RASSF4: variants seen among roughly 807,000 people sequenced by gnomAD.
RASSF4 encodes ras association domain-containing protein 4.
Under a neutral mutation model 41.1 loss-of-function variants are expected in RASSF4, and 38 were observed. The observed-to-expected ratio is 0.92, with a 90% CI of 0.71 to 1.21. The LOEUF (loss-of-function observed/expected upper bound fraction) is 1.21. Ranked by LOEUF, RASSF4 falls within the 50% of genes most tolerant of loss-of-function variation. The probability of loss-of-function intolerance (pLI) is 0.00; values close to 1 mark genes in which losing one functional copy is unlikely to be tolerated. For synonymous variants in RASSF4, 179 were observed against 163.4 expected (o/e 1.10, Z -0.73); for missense variants, 414 against 419.4 (o/e 0.99, Z 0.11).
chr10:44,992,464 A>G lies in RASSF4; in HGVS notation c.905+462A>G, dbSNP rs182095115. 3.1e-3 allele frequency among the ~76,000 whole-genome samples: 471 copies of G among 152,328 alleles called. 1 individual carries two copies. Among genetic ancestry groups the G allele is most frequent in the African/African-American group, 0.011 (450 of 41,572 alleles). ...ATGCTGGAACTCCCAGCCTCAGCCGATGTTTTCAGGTGCAGAGGGCTAGTT... is the reference window on the plus strand; with the variant it reads ...ATGCTGGAACTCCCAGCCTCAGCCGGTGTTTTCAGGTGCAGAGGGCTAGTT... On this transcript the variant is annotated intron_variant, in intron 10 of 10. Coordinates refer to ENST00000340258, the MANE Select transcript of RASSF4 (RefSeq NM_032023.4).
At chr10:44,992,245 G>C (rs1842142154) in intron 10 of RASSF4, among the ~76,000 whole-genome samples, 1 of 152,214 alleles carries the variant, frequency 6.6e-6, no homozygotes, top group Admixed American at 6.5e-5. Context: ...TCCAGTCTTG[G>C]CATCCTCACC....
Position 44,993,410 on chromosome 10 carries a change from C to A in RASSF4, c.*81C>A. 8.8e-7 allele frequency: 1 copy of A among 1,140,222 alleles called. No homozygotes were observed. The highest frequency in any genetic ancestry group is 1.3e-6 in the Non-Finnish European group (1 of 787,854). The allele number at this position is 1,140,222 out of a possible 1,614,324, so 70.6% of individuals were successfully genotyped here. A position where few individuals can be genotyped will look rare whatever the true frequency, so the allele number is the denominator to read the frequency against. The stretch of plus-strand genomic sequence containing the variant: ...CCTGGTTGCTGGCCCCGGCCGGTCA[C>A]ATTGACTGATGGCCACCGCCTGACG... On this transcript the variant is annotated 3_prime_UTR_variant, in exon 11 of 11. Transcript: ENST00000340258.
At chr10:44,974,216 TCTC>T (rs1216413554) in intron 3 of RASSF4, among the ~76,000 whole-genome samples, 4 of 152,102 alleles carry the variant, frequency 2.6e-5, no homozygotes, top group Non-Finnish European at 5.9e-5. Context: ...CAGGCCAGTC[TCTC>T]CTCAGGCACC....
intron 3 of RASSF4, chr10:44,978,083 A>G: frequency 6.4e-7 from 1 of 1,572,728 alleles, no homozygotes; most frequent in Non-Finnish European, 8.6e-7. Flanking sequence ...CCTGGTGGTG[A>G]GGGCCTGCCA....
rs143373089 is a variant in RASSF4, at chr10:44,977,801, C to T, written c.139-4720C>T. ...GATGTCTCGCAGGGACACAGCAGGG[C>T]GGCCCTTCCGGCAGGCCTGGGCTGG... On this transcript the variant is annotated intron_variant, in intron 3 of 10. Coordinates refer to ENST00000340258, the MANE Select transcript of RASSF4 (RefSeq NM_032023.4). 5,079 of 1,600,518 alleles carry T rather than the reference C, an allele frequency of 3.2e-3. 27 individuals are homozygous for T. The highest frequency in any genetic ancestry group is 3.1e-3 in the Non-Finnish European group (3,611 of 1,172,962).
Position 44,970,150 on chromosome 10 carries a change from TC to T in RASSF4, c.-38-13del. ...TCTGGCTCACCTGTCTGTCCACCCTTCCTTGTCTTCCCAGCAAGTAACTTCT... is the reference window on the plus strand; with the variant it reads ...TCTGGCTCACCTGTCTGTCCACCCTTCTTGTCTTCCCAGCAAGTAACTTCT... On this transcript the variant is annotated splice_polypyrimidine_tract_variant and intron_variant, in intron 1 of 10. Transcript: ENST00000340258. The T allele has an allele frequency of 6.6e-7, 1 of 1,521,388 alleles. No individual in the cohort carries two copies. The highest frequency in any genetic ancestry group is 9.1e-7 in the Non-Finnish European group (1 of 1,096,266). 94.2% of individuals were successfully genotyped at this position (1,521,388 alleles called of 1,614,324 possible). A position where few individuals can be genotyped will look rare whatever the true frequency, so the allele number is the denominator to read the frequency against.
chr10:44,988,032 G>A (rs965173724), intron 6 of RASSF4, among the ~76,000 whole-genome samples: 18 of 152,158 alleles, frequency 1.2e-4, no homozygotes, highest in Admixed American at 9.2e-4. Flanking sequence ...GGAAAACAGA[G>A]CTAGGATCTC....
At chr10:44,992,725 C>T (rs749442905) in intron 10 of RASSF4, among the ~76,000 whole-genome samples, 2 of 152,110 alleles carry the variant, frequency 1.3e-5, no homozygotes, top group African/African-American at 2.4e-5. Context: ...GGATGTTAGC[C>T]TCTGGTTGAA....
In RASSF4 at chr10:44,991,867, G is replaced by A. The variant is rs201441749; in HGVS notation, c.808-38G>A. On this transcript the variant is annotated intron_variant, in intron 9 of 10. Transcript: ENST00000340258. ...GAAAAGAAAACATACTTTTGGCTTC[G>A]AATTTAAAGCACATTAAAATGTTCT... is the stretch of plus-strand genomic sequence containing the variant. 5,761 of 1,420,184 alleles carry A rather than the reference G, an allele frequency of 4.1e-3. 37 individuals carry two copies. Among genetic ancestry groups the A allele is most frequent in the Non-Finnish European group, 4.0e-3 (4,015 of 1,009,354 alleles). The allele number at this position is 1,420,184 out of a possible 1,614,324, so 88.0% of individuals were successfully genotyped here.
At chr10:44,975,708 A>T (rs1264874639) in intron 3 of RASSF4, among the ~76,000 whole-genome samples, 1 of 150,178 alleles carries the variant, frequency 6.7e-6, no homozygotes, top group Non-Finnish European at 1.5e-5. Context: ...AGCTTGGGAC[A>T]CTGCCAGAAG....
At chr10:44,985,334 C>T (rs1186790683) in intron 6 of RASSF4, among the ~76,000 whole-genome samples, 1 of 152,222 alleles carries the variant, frequency 6.6e-6, no homozygotes, top group African/African-American at 2.4e-5. Context: ...AATAATTAAG[C>T]AGGGGTGTGC....
rs555203656 is a variant in RASSF4 at position 44,973,065 on chromosome 10, G to C, written c.138+1217G>C. 7.2e-5 allele frequency among the ~76,000 whole-genome samples: 11 copies of C among 152,314 alleles called. No individual in the cohort carries two copies. The South Asian group carries it at 2.3e-3, about 32-fold the overall frequency. ...CTGGCTCCTGGTCCAAGCTGTGCTGGGCTGCCTGTGACCACCAGGCATGGT... is the reference window on the plus strand; with the variant it reads ...CTGGCTCCTGGTCCAAGCTGTGCTGCGCTGCCTGTGACCACCAGGCATGGT... On this transcript the variant is annotated intron_variant, in intron 3 of 10. Coordinates refer to ENST00000340258, the MANE Select transcript of RASSF4 (RefSeq NM_032023.4).
rs186647444 is a variant in RASSF4 at position 44,982,130 on chromosome 10, C to T, written c.139-391C>T. On this transcript the variant is annotated intron_variant, in intron 3 of 10. Transcript: ENST00000340258. ...GCCTGGTGGCCATAGGACCTGGTGG[C>T]GCAGGACCCCCTCCCAGGTGCAGTG... 32 of 277,834 alleles carry T rather than the reference C, an allele frequency of 1.2e-4. No individual in the cohort carries two copies. In the Admixed American group the frequency reaches 1.6e-3, roughly 14 times the overall value. The allele number at this position is 277,834 out of a possible 1,614,324, so 17.2% of individuals were successfully genotyped here.
At chr10:44,972,751 G>T (rs1841233572) in intron 3 of RASSF4, among the ~76,000 whole-genome samples, 1 of 152,240 alleles carries the variant, frequency 6.6e-6, no homozygotes, top group African/African-American at 2.4e-5. Context: ...ATCGTGGTGA[G>T]GCTGTTTTTT....
chr10:44,968,838 C>T (rs556770993), intron 1 of RASSF4, among the ~76,000 whole-genome samples: 1 of 152,280 alleles, frequency 6.6e-6, no homozygotes, highest in African/African-American at 2.4e-5. Flanking sequence ...AGAGCTCTGT[C>T]GTGGGCAGGA....
chr10:44,975,781 T>C (rs1362475806), intron 3 of RASSF4, among the ~76,000 whole-genome samples: 1 of 151,354 alleles, frequency 6.6e-6, no homozygotes, highest in Non-Finnish European at 1.5e-5. Context: ...ATTGACCTCT[T>C]TCACACAGCT....
At position 44,989,390 on chromosome 10, in the gene RASSF4, G is replaced by A; in HGVS notation, c.633+15G>A. ...ACAAATTTAGGGTAAGCCTGGTCAGGAGCAGCCTTGCCCCAGGATGCCAGT... is the reference window on the plus strand; with the variant it reads ...ACAAATTTAGGGTAAGCCTGGTCAGAAGCAGCCTTGCCCCAGGATGCCAGT... On this transcript the variant is annotated intron_variant, in intron 7 of 10. Coordinates refer to ENST00000340258, the MANE Select transcript of RASSF4 (RefSeq NM_032023.4). The A allele has an allele frequency of 6.4e-7, 1 of 1,567,522 alleles. No individual in the cohort carries two copies. Among genetic ancestry groups the A allele is most frequent in the Non-Finnish European group, 8.8e-7 (1 of 1,138,800 alleles).
chr10:44,982,535 G>A lies in RASSF4; in HGVS notation c.153G>A (p.Leu51=). Reference sequence around the variant, plus strand: ...GACCCCCACAGGAAGAAGGGACTCTGATCATCGAGGGGCTCCTCAACATTG... The same window carrying A: ...GACCCCCACAGGAAGAAGGGACTCTAATCATCGAGGGGCTCCTCAACATTG... ...QLRHREEEGT[L]IIEGLLNIAW... is the part of the protein sequence containing the mutation. Residue 51 remains leucine (L), a synonymous_variant, in exon 4 of 11, where the codon CTG becomes CTA. Coordinates refer to ENST00000340258, the MANE Select transcript of RASSF4 (RefSeq NM_032023.4). 1 of 1,611,820 alleles carries A rather than the reference G, an allele frequency of 6.2e-7. No individual in the cohort carries two copies. Among genetic ancestry groups the A allele is most frequent in the Non-Finnish European group, 8.5e-7 (1 of 1,179,034 alleles).
chr10:44,991,835 C>G, intron 9 of RASSF4, 70 bp from the exon 10 acceptor site: 1 of 1,079,812 alleles, frequency 9.3e-7, no homozygotes, highest in Admixed American at 1.9e-5. Context: ...ACTATGGAAG[C>G]CTTGAGGAAA....
Sources: gnomAD v4.1 joint callset for allele counts (sites outside exome capture counted in the v4.1 genomes callset) on GRCh38, gnomAD v4.1.1 for gene constraint, MANE v1.5 for transcripts, NCBI Gene and HGNC (gene_info 2026-07-23, HGNC 2026-07-21) for gene names.